The following SLC44A5 variants were observed in gnomAD, a reference collection of about 807,000 sequenced individuals.
SLC44A5 encodes the protein solute carrier family 44 member 5.
Under a neutral mutation model 101.8 loss-of-function variants are expected in SLC44A5, and 57 were observed. That is an observed-to-expected ratio of 0.56 (90% CI 0.45 to 0.70). The LOEUF is 0.70. Among genes scored for constraint, SLC44A5 ranks in the 30% least tolerant of loss-of-function variants. The probability of loss-of-function intolerance (pLI) is 0.00; values close to 1 mark genes in which losing one functional copy is unlikely to be tolerated. For missense variants in SLC44A5, 737 were observed against 853.1 expected, an observed-to-expected ratio of 0.86 and a Z score of 1.70; for synonymous variants, 281 against 290.9, an observed-to-expected ratio of 0.97 and a Z score of 0.35.
chr1:75,462,466 A>C (rs1267809065), intron 2 of SLC44A5, among the ~76,000 whole-genome samples: 1 of 152,210 alleles, frequency 6.6e-6, no homozygotes, highest in East Asian at 1.9e-4. Context: ...TAACTCTTCA[A>C]TGCCCAGACA....
the SLC44A5 span, among the ~76,000 whole-genome samples, chr1:75,648,037 T>C: frequency 1.3e-5 from 2 of 152,188 alleles, no homozygotes; most frequent in African/African-American, 4.8e-5. Flanking sequence ...TGGCTCTGTT[T>C]CCCCACCCAA....
chr1:75,506,876 T>C (rs1389494444), intron 2 of SLC44A5, among the ~76,000 whole-genome samples: 1 of 151,226 alleles, frequency 6.6e-6, no homozygotes, highest in Non-Finnish European at 1.5e-5. Flanking sequence ...TGAAGAGGAG[T>C]AGGAATCCTT....
chr1:75,676,714 A>G, the SLC44A5 span, among the ~76,000 whole-genome samples: 1 of 152,232 alleles, frequency 6.6e-6, no homozygotes. Context: ...ATTTAAAGGT[A>G]TAGTAACAAA....
intron 5 of SLC44A5, among the ~76,000 whole-genome samples, chr1:75,280,680 T>C (rs962469412): frequency 3.3e-5 from 5 of 150,264 alleles, no homozygotes; most frequent in African/African-American, 1.2e-4. Flanking sequence ...ATCATGAGGG[T>C]GGTTCTACCA....
intron 4 of SLC44A5, among the ~76,000 whole-genome samples, chr1:75,323,473 G>C (rs1368418080): frequency 6.6e-6 from 1 of 152,020 alleles, no homozygotes; most frequent in Non-Finnish European, 1.5e-5. Context: ...GGGATGGCTG[G>C]GTCAAATGGT....
chr1:75,300,885 A>G (rs1179618425), intron 4 of SLC44A5, among the ~76,000 whole-genome samples, 200 bp from the exon 5 acceptor site: 1 of 152,190 alleles, frequency 6.6e-6, no homozygotes, highest in Non-Finnish European at 1.5e-5. Context: ...CCATAGTTCC[A>G]TGATTAATGA....
chr1:75,222,488 T>C, intron 13 of SLC44A5, 28 bp from the exon 14 acceptor site: 2 of 1,411,092 alleles, frequency 1.4e-6, no homozygotes, highest in Non-Finnish European at 2.0e-6. Flanking sequence ...AAAATCAGTC[T>C]GTAATACAAG....
chr1:75,695,262 G>A, the SLC44A5 span, among the ~76,000 whole-genome samples: 1 of 152,230 alleles, frequency 6.6e-6, no homozygotes, highest in African/African-American at 2.4e-5. Flanking sequence ...TGTTGACTTT[G>A]GCTAACAGAG....
Position 75,202,721 on chromosome 1 carries a change from G to C in SLC44A5, c.*1006C>G, listed in dbSNP as rs1646683981. 1 of 152,156 alleles carries C rather than the reference G, an allele frequency of 6.6e-6. No individual in the cohort carries two copies. The highest frequency in any genetic ancestry group is 2.1e-4 in the South Asian group (1 of 4,808). 9.4% of individuals were successfully genotyped at this position (152,156 alleles called of 1,614,324 possible). ...ATGACATCTGTGAGCACCCTTTCGAGGAGTAAAGTTTCCCTTTGCAATTCC... is the reference window on the plus strand; with the variant it reads ...ATGACATCTGTGAGCACCCTTTCGACGAGTAAAGTTTCCCTTTGCAATTCC... On this transcript the variant is annotated 3_prime_UTR_variant, in exon 24 of 24. Coordinates refer to ENST00000370859, the MANE Select transcript of SLC44A5 (RefSeq NM_001130058.2).
the SLC44A5 span, among the ~76,000 whole-genome samples, chr1:75,704,210 G>A: frequency 2.9e-3 from 447 of 152,206 alleles, 1 homozygote; most frequent in Non-Finnish European, 4.8e-3. Flanking sequence ...GGATTATTAG[G>A]TATAAGGTAT....
intron 1 of SLC44A5, among the ~76,000 whole-genome samples, chr1:75,557,005 T>C (rs211778): frequency 0.96 from 145,880 of 152,200 alleles, 69,944 homozygotes; most frequent in East Asian, 0.98. Flanking sequence ...TCAGGGGTTT[T>C]ACCCAGCAGG....
chr1:75,653,741 G>T, the SLC44A5 span, among the ~76,000 whole-genome samples: 4 of 152,150 alleles, frequency 2.6e-5, no homozygotes, highest in Non-Finnish European at 4.4e-5. Flanking sequence ...AAAAGATATT[G>T]GTTATTTCAG....
chr1:75,402,257 T>C (rs578111307), intron 2 of SLC44A5: 8 of 178,584 alleles, frequency 4.5e-5, no homozygotes, highest in Non-Finnish European at 7.5e-5. Flanking sequence ...GGCCCAGTAC[T>C]GCCTCTCACT....
chr1:75,626,911 C>T, the SLC44A5 span, among the ~76,000 whole-genome samples: 1 of 152,132 alleles, frequency 6.6e-6, no homozygotes, highest in African/African-American at 2.4e-5. Context: ...TACCTGGCAC[C>T]AGTTCACCTT....
At chr1:75,369,237 C>T (rs990448705) in intron 3 of SLC44A5, among the ~76,000 whole-genome samples, 12 of 151,670 alleles carry the variant, frequency 7.9e-5, no homozygotes, top group African/African-American at 2.2e-4. Context: ...AGGGTGGTCT[C>T]GAAATTGTGG....
chr1:75,533,654 AC>A (rs1670841545), intron 2 of SLC44A5, among the ~76,000 whole-genome samples: 1 of 152,208 alleles, frequency 6.6e-6, no homozygotes, highest in Admixed American at 6.5e-5. Context: ...CCCAAAGATA[AC>A]CATTTCAATA....
chr1:75,619,079 AGG>A, the SLC44A5 span, among the ~76,000 whole-genome samples: 4 of 96,548 alleles, frequency 4.1e-5, no homozygotes, highest in African/African-American at 1.2e-4. Flanking sequence ...TCAAAAAAAA[AGG>A]GGGGGGGGAA....
chr1:75,629,494 G>A, the SLC44A5 span, among the ~76,000 whole-genome samples: 1 of 152,122 alleles, frequency 6.6e-6, no homozygotes, highest in Admixed American at 6.6e-5. Context: ...TAAAATTTCA[G>A]AAGAGAGTAG....
chr1:75,633,141 A>T, the SLC44A5 span, among the ~76,000 whole-genome samples: 8 of 152,134 alleles, frequency 5.3e-5, no homozygotes, highest in African/African-American at 1.9e-4. Flanking sequence ...TTTATAAATA[A>T]TATGATTACT....
Sources: gnomAD v4.1 joint callset for allele counts (sites outside exome capture counted in the v4.1 genomes callset) on GRCh38, gnomAD v4.1.1 for gene constraint, MANE v1.5 for transcripts, NCBI Gene and HGNC (gene_info 2026-07-23, HGNC 2026-07-21) for gene names.